RGS7: variants seen among roughly 807,000 people sequenced by gnomAD.
RGS7 encodes the protein regulator of G protein signaling 7.
Under a neutral mutation model 81.1 loss-of-function variants are expected in RGS7, and 27 were observed. The observed-to-expected ratio is 0.33, with a 90% CI of 0.25 to 0.46. The LOEUF (loss-of-function observed/expected upper bound fraction) is 0.46. RGS7 is among the 20% of genes least tolerant of loss of function. The pLI is 1.00. For missense variants in RGS7, 396 were observed against 607.4 expected (o/e 0.65, Z 3.66); for synonymous variants, 208 against 207.7 (o/e 1.00, Z -0.01).
At chr1:241,139,688 C>T (rs895119742) in intron 2 of RGS7, among the ~76,000 whole-genome samples, 2 of 152,128 alleles carry the variant, frequency 1.3e-5, no homozygotes, top group African/African-American at 4.8e-5. Context: ...TTTATTATAA[C>T]CATTGTTCTG....
chr1:241,039,837 T>TG (rs1188479634), intron 3 of RGS7, among the ~76,000 whole-genome samples: 1 of 152,172 alleles, frequency 6.6e-6, no homozygotes, highest in East Asian at 1.9e-4. Flanking sequence ...AATCGCCACT[T>TG]GGAGAACCGA....
intron 2 of RGS7, among the ~76,000 whole-genome samples, chr1:241,201,796 C>T (rs1047685246): frequency 6.6e-6 from 1 of 152,066 alleles, no homozygotes; most frequent in Non-Finnish European, 1.5e-5. Flanking sequence ...GAATGGTTCA[C>T]CCGAGGTCTT....
chr1:241,177,355 G>A (rs2071233081), intron 2 of RGS7, among the ~76,000 whole-genome samples: 1 of 152,082 alleles, frequency 6.6e-6, no homozygotes, highest in South Asian at 2.1e-4. Context: ...TCAAGGCAGG[G>A]AATGTGTTTC....
chr1:240,813,985 A>G (rs1335805262), intron 12 of RGS7, among the ~76,000 whole-genome samples: 1 of 152,172 alleles, frequency 6.6e-6, no homozygotes, highest in East Asian at 1.9e-4. Context: ...GTTAACATGA[A>G]GCACTATGGA....
rs115437362 is a variant in RGS7, at chr1:240,816,602, G to A, written c.685-187C>T. 3.3e-3 allele frequency among the ~76,000 whole-genome samples: 496 copies of A among 152,142 alleles called. 2 individuals are homozygous for A. The highest frequency in any genetic ancestry group is 0.01 in the African/African-American group (432 of 41,500). On this transcript the variant is annotated intron_variant, in intron 10 of 18. Coordinates refer to ENST00000440928, the MANE Select transcript of RGS7 (RefSeq NM_001364886.1). ...TGCATATAAAATAGAAGCACAGCTC[G>A]GAAAAAATGTGTAGTTAGATTATTA...
intron 3 of RGS7, among the ~76,000 whole-genome samples, chr1:240,996,729 G>A (rs1687346885): frequency 6.6e-6 from 1 of 151,992 alleles, no homozygotes; most frequent in Non-Finnish European, 1.5e-5. Flanking sequence ...GCATGTAGTT[G>A]AGCCATGATT....
rs1282425353 is a variant in RGS7 at position 240,868,773 on chromosome 1, C to T, written c.527+3G>A. 3 of 1,613,808 alleles carry T rather than the reference C, an allele frequency of 1.9e-6. No homozygotes were observed. In the African/African-American group the frequency reaches 4.0e-5, roughly 22 times the overall value. On this transcript the variant is annotated splice_donor_region_variant and intron_variant, in intron 8 of 18. Transcript: ENST00000440928. This position sits in a 1 kb window ranked among gnomAD's most constrained non-coding sequence, Gnocchi z 5.1. ...ATCTTCCAAACGACTCACAAGGACT[C>T]ACTTTGCTTGTGCTTCTGCTTGCAT...
chr1:240,929,859 G>T (rs1353518607), intron 6 of RGS7, among the ~76,000 whole-genome samples: 1 of 152,110 alleles, frequency 6.6e-6, no homozygotes, highest in Non-Finnish European at 1.5e-5. Flanking sequence ...ACATAATTTT[G>T]CATATATCAC....
At chr1:240,841,621 C>T (rs977923217) in intron 9 of RGS7, among the ~76,000 whole-genome samples, 3 of 152,198 alleles carry the variant, frequency 2.0e-5, no homozygotes, top group Admixed American at 6.5e-5. Flanking sequence ...ATTCTCTAAA[C>T]TATATAGATT....
chr1:241,310,723 C>A (rs1242155389), intron 2 of RGS7, among the ~76,000 whole-genome samples: 1 of 152,154 alleles, frequency 6.6e-6, no homozygotes, highest in African/African-American at 2.4e-5. Flanking sequence ...AAATGCTTCT[C>A]TTACCCAATT....
At chr1:241,040,568 C>T (rs577270078) in intron 3 of RGS7, among the ~76,000 whole-genome samples, 8 of 152,158 alleles carry the variant, frequency 5.3e-5, no homozygotes, top group Admixed American at 2.6e-4. Flanking sequence ...GTGGCGCGAT[C>T]TCGGCTCACT....
chr1:240,893,613 AC>A lies in RGS7; in HGVS notation c.386-23495del, dbSNP rs1572636255. Among the ~76,000 whole-genome samples the A allele has an allele frequency of 2.0e-5, 3 of 152,156 alleles. No individual in the cohort carries two copies. In the East Asian group the frequency reaches 5.8e-4, roughly 29 times the overall value. On this transcript the variant is annotated intron_variant, in intron 6 of 18. Coordinates refer to ENST00000440928, the MANE Select transcript of RGS7 (RefSeq NM_001364886.1). ...CTTAGAAAGACTGCATTAAAAAAAA[AC>A]AAAACTCCAAAACTTGAGAATATAT...
At chr1:241,084,767 G>A (rs2063333494) in intron 3 of RGS7, among the ~76,000 whole-genome samples, 1 of 152,200 alleles carries the variant, frequency 6.6e-6, no homozygotes, top group Non-Finnish European at 1.5e-5. Flanking sequence ...ACATTTTTAT[G>A]ATGAAGAACC....
intron 2 of RGS7, among the ~76,000 whole-genome samples, chr1:241,131,765 C>T (rs1056527142): frequency 6.6e-6 from 1 of 151,796 alleles, no homozygotes; most frequent in African/African-American, 2.4e-5. Context: ...TGCATAATAG[C>T]TGATGTTACT....
rs571901451 is a variant in RGS7 at position 240,997,155 on chromosome 1, T to C, written c.176-14026A>G. Among the ~76,000 whole-genome samples the C allele has an allele frequency of 6.6e-5, 10 of 152,170 alleles. 1 individual carries two copies. In the South Asian group the frequency reaches 1.7e-3, roughly 25 times the overall value. The stretch of plus-strand genomic sequence containing the variant: ...TCATTATTATTATTATTGCTGTTAT[T>C]ATTTAGAGACAGGGTCTTGTTATGT... On this transcript the variant is annotated intron_variant, in intron 3 of 18. Transcript: ENST00000440928.
intron 2 of RGS7, among the ~76,000 whole-genome samples, chr1:241,159,474 A>C (rs1257784645): frequency 6.6e-6 from 1 of 151,996 alleles, no homozygotes; most frequent in East Asian, 1.9e-4. Flanking sequence ...TCTCCAGGGA[A>C]ATATAGCCCT....
chr1:240,849,539 T>A (rs1428219942), intron 9 of RGS7, among the ~76,000 whole-genome samples: 1 of 152,184 alleles, frequency 6.6e-6, no homozygotes, highest in East Asian at 1.9e-4. Flanking sequence ...TGAAAGGGAA[T>A]CCCCAGTGTT....
intron 3 of RGS7, among the ~76,000 whole-genome samples, chr1:241,064,404 A>G (rs1279736768): frequency 4.1e-5 from 6 of 146,638 alleles, no homozygotes; most frequent in African/African-American, 1.5e-4. Context: ...TGGGCAAGAT[A>G]GAGAGACCCA....
In RGS7 at chr1:240,859,440, G is replaced by GT. The variant is rs5782167; in HGVS notation, c.609+9146dup. Among the ~76,000 whole-genome samples the GT allele has an allele frequency of 7.3e-3, 805 of 110,816 alleles. 15 individuals carry two copies. Among genetic ancestry groups the GT allele is most frequent in the African/African-American group, 0.022 (641 of 29,478 alleles). 72.7% of individuals were successfully genotyped at this position (110,816 alleles called of 152,430 possible). On this transcript the variant is annotated intron_variant, in intron 9 of 18. Coordinates refer to ENST00000440928, the MANE Select transcript of RGS7 (RefSeq NM_001364886.1). ...TTGTGTTTTTCTTTCTTTCTTTCCT[G>GT]TTTTTTTTTTTTTTTTTTCTTTTGG... is the stretch of plus-strand genomic sequence containing the variant.
Sources: allele counts gnomAD v4.1 joint callset (sites outside exome capture counted in the v4.1 genomes callset), GRCh38; gene constraint gnomAD v4.1.1; non-coding constraint Gnocchi (gnomAD v3.1); transcripts MANE v1.5; gene names NCBI Gene and HGNC (gene_info 2026-07-23, HGNC 2026-07-21).